Variants in CAMSAP1 observed in about 807,000 individuals in gnomAD.
CAMSAP1 encodes the protein calmodulin regulated spectrin associated protein 1.
CAMSAP1 carries 58 observed loss-of-function variants against 143.5 expected under a neutral mutation model. The ratio of observed to expected loss-of-function variants is 0.40; its 90% CI spans 0.33 to 0.50. CAMSAP1 has a LOEUF of 0.50. Ranked by LOEUF, CAMSAP1 falls within the 20% of genes least tolerant of loss-of-function variation. The pLI is 0.45. For synonymous variants in CAMSAP1, 945 were observed against 859.3 expected, an observed-to-expected ratio of 1.10 and a Z score of -1.74; for missense variants, 1,969 against 2,115.7, an observed-to-expected ratio of 0.93 and a Z score of 1.36.
At position 135,811,139 on chromosome 9, in the gene CAMSAP1, T is replaced by A. The variant is rs1200692062; in HGVS notation, c.*170A>T. On this transcript the variant is annotated 3_prime_UTR_variant, in exon 17 of 17. Transcript: ENST00000389532. This position sits in a 1 kb window ranked among gnomAD's most constrained non-coding sequence, Gnocchi z 4.9. ...CGTGAGATGAGCGCTGAGAGAGGGG[T>A]TTTCTTCTGCTGTCTAGAAACCTCT... The A allele has an allele frequency of 2.7e-6, 2 of 750,762 alleles. No individual in the cohort carries two copies. The highest frequency in any genetic ancestry group is 4.2e-6 in the Non-Finnish European group (2 of 472,076). 46.5% of individuals were successfully genotyped at this position (750,762 alleles called of 1,614,324 possible).
intron 7 of CAMSAP1, among the ~76,000 whole-genome samples, chr9:135,840,327 A>G (rs942683924): frequency 6.6e-6 from 1 of 152,136 alleles, no homozygotes; most frequent in African/African-American, 2.4e-5. Flanking sequence ...GCTATGTCTC[A>G]TCCCAGAGTG....
chr9:135,817,330 A>G (rs1231326491), intron 14 of CAMSAP1, among the ~76,000 whole-genome samples: 1 of 152,122 alleles, frequency 6.6e-6, no homozygotes, highest in Non-Finnish European at 1.5e-5. Flanking sequence ...GGAAATACAC[A>G]CTTAAGTATT....
chr9:135,861,267 G>C (rs991652793), intron 5 of CAMSAP1, among the ~76,000 whole-genome samples: 1 of 151,392 alleles, frequency 6.6e-6, no homozygotes, highest in Non-Finnish European at 1.5e-5. Flanking sequence ...TTCACTCAAT[G>C]ACAGAGACCG....
At chr9:135,898,823 A>T (rs114862845) in intron 1 of CAMSAP1, among the ~76,000 whole-genome samples, 2,073 of 152,330 alleles carry the variant, frequency 0.014, 49 homozygotes, top group African/African-American at 0.048. Flanking sequence ...AGTTACACAT[A>T]TGTATCTTAT....
rs1835412304 is a variant in CAMSAP1 at position 135,820,690 on chromosome 9, CTG to C, written c.3822+147_3822+148del. 9.7e-7 allele frequency: 1 copy of C among 1,035,562 alleles called. No individual in the cohort carries two copies. Among genetic ancestry groups the C allele is most frequent in the Non-Finnish European group, 1.4e-6 (1 of 725,658 alleles). The allele number at this position is 1,035,562 out of a possible 1,614,324, so 64.1% of individuals were successfully genotyped here. A position where few individuals can be genotyped will look rare whatever the true frequency, so the allele number is the denominator to read the frequency against. ...AAGTGGAGTCCTCGGGACAGAGACT[CTG>C]TGGCCCACAAAGCTAAACACACACA... On this transcript the variant is annotated intron_variant, in intron 11 of 16. Transcript: ENST00000389532. The surrounding 1 kb of genome is among the most constrained non-coding windows in gnomAD (Gnocchi z 4.4).
chr9:135,879,253 A>C (rs186580965), intron 3 of CAMSAP1, among the ~76,000 whole-genome samples: 38 of 152,296 alleles, frequency 2.5e-4, no homozygotes, highest in Admixed American at 4.6e-4. Context: ...ATGGAAGGAA[A>C]ATGATGTCTC....
chr9:135,837,504 C>T (rs1329938003), intron 7 of CAMSAP1, among the ~76,000 whole-genome samples: 4 of 149,978 alleles, frequency 2.7e-5, no homozygotes, highest in African/African-American at 9.9e-5. Context: ...CACTTTCTAC[C>T]GGTTCTACAG....
At chr9:135,817,515 C>T (rs1835272800) in intron 14 of CAMSAP1, among the ~76,000 whole-genome samples, 1 of 152,068 alleles carries the variant, frequency 6.6e-6, no homozygotes, top group Non-Finnish European at 1.5e-5. Context: ...CCTCAGCCTC[C>T]CAAGTAGCTG....
At chr9:135,812,354 G>A (rs150968065) in intron 16 of CAMSAP1, among the ~76,000 whole-genome samples, 135 of 152,206 alleles carry the variant, frequency 8.9e-4, no homozygotes, top group Middle Eastern at 3.4e-3. Context: ...ATGGAGGTCC[G>A]GTACACACTA....
intron 1 of CAMSAP1, among the ~76,000 whole-genome samples, chr9:135,896,048 ATTG>A (rs1195124463): frequency 3.9e-5 from 6 of 152,250 alleles, no homozygotes; most frequent in Non-Finnish European, 5.9e-5. Flanking sequence ...ATAAATAGTA[ATTG>A]TTAACAATAT....
Position 135,862,729 on chromosome 9 carries a change from T to C in CAMSAP1, c.667-121A>G, listed in dbSNP as rs76193084. On this transcript the variant is annotated intron_variant, in intron 4 of 16. Coordinates refer to ENST00000389532, the MANE Select transcript of CAMSAP1 (RefSeq NM_015447.4). ...GCCTAACAGACAACATGGAGAACAA[T>C]TGCAATAATCTAGAAAGAGTTAGAA... 5.0e-3 allele frequency: 5,193 copies of C among 1,040,806 alleles called. 29 individuals carry two copies. The highest frequency in any genetic ancestry group is 6.3e-3 in the Non-Finnish European group (4,485 of 712,198). 64.5% of individuals were successfully genotyped at this position (1,040,806 alleles called of 1,614,324 possible).
At chr9:135,843,965 T>C (rs1393894797) in intron 7 of CAMSAP1, among the ~76,000 whole-genome samples, 1 of 151,760 alleles carries the variant, frequency 6.6e-6, no homozygotes, top group Non-Finnish European at 1.5e-5. Context: ...AGCAAGTTCT[T>C]AGAGACCTAG....
At position 135,836,994 on chromosome 9, in the gene CAMSAP1, G is replaced by A. The variant is rs992014417; in HGVS notation, c.1046-9410C>T. 12 of 949,520 alleles carry A rather than the reference G, an allele frequency of 1.3e-5. No individual in the cohort carries two copies. In the Admixed American group the frequency reaches 3.8e-4, roughly 30 times the overall value. 58.8% of individuals were successfully genotyped at this position (949,520 alleles called of 1,614,324 possible). ...CCATTCTACAGACACACATCATCAC[G>A]CACTTTCTACCTGTTCTAGAGACAC... is the stretch of plus-strand genomic sequence containing the variant. On this transcript the variant is annotated intron_variant, in intron 7 of 16. Transcript: ENST00000389532.
chr9:135,843,873 C>CAAAAAAAAAA (rs150201026), intron 7 of CAMSAP1, among the ~76,000 whole-genome samples: 1 of 63,958 alleles, frequency 1.6e-5, no homozygotes, highest in Admixed American at 1.9e-4. Context: ...GACTCCGTCT[C>CAAAAAAAAAA]AAAAAAAAAA....
chr9:135,851,725 T>C (rs951207198), intron 5 of CAMSAP1, among the ~76,000 whole-genome samples: 1 of 152,214 alleles, frequency 6.6e-6, no homozygotes, highest in African/African-American at 2.4e-5. Context: ...AAACTCAGTA[T>C]GATGTTTTCA....
chr9:135,857,514 C>T (rs1381587217), intron 5 of CAMSAP1, among the ~76,000 whole-genome samples: 1 of 152,202 alleles, frequency 6.6e-6, no homozygotes, highest in Non-Finnish European at 1.5e-5. Context: ...GTGCCACTAT[C>T]TTGCAGACAT....
At chr9:135,879,738 T>A (rs1404214632) in intron 3 of CAMSAP1, among the ~76,000 whole-genome samples, 1 of 151,720 alleles carries the variant, frequency 6.6e-6, no homozygotes, top group African/African-American at 2.4e-5. Context: ...GAACGTGGCC[T>A]GAGGGAAATC....
chr9:135,811,474 G>C lies in CAMSAP1; in HGVS notation c.4644C>G (p.Thr1548=). Residue 1548 remains threonine (T), a synonymous_variant, in exon 17 of 17, where the codon ACC becomes ACG. Coordinates refer to ENST00000389532, the MANE Select transcript of CAMSAP1 (RefSeq NM_015447.4). This position sits in a 1 kb window ranked among gnomAD's most constrained non-coding sequence, Gnocchi z 4.9. ...TATACAGTTTGTCGATCATTTTCTTGGTGATGTTCTTTGGCCCCGTGCCAG... is the reference window on the plus strand; with the variant it reads ...TATACAGTTTGTCGATCATTTTCTTCGTGATGTTCTTTGGCCCCGTGCCAG... ...KLTGTGPKNI[T]KKMIDKLYKY... 6.2e-7 allele frequency: 1 copy of C among 1,611,820 alleles called. No homozygotes were observed. The highest frequency in any genetic ancestry group is 8.5e-7 in the Non-Finnish European group (1 of 1,178,854).
chr9:135,857,715 G>A (rs576590644), intron 5 of CAMSAP1, among the ~76,000 whole-genome samples: 78 of 152,256 alleles, frequency 5.1e-4, no homozygotes, highest in East Asian at 7.7e-4. Flanking sequence ...TCCTGAGGCC[G>A]ATTTCTGCAG....
Sources: gnomAD v4.1 joint callset for allele counts (sites outside exome capture counted in the v4.1 genomes callset) on GRCh38, gnomAD v4.1.1 for gene constraint, Gnocchi (gnomAD v3.1) non-coding constraint, MANE v1.5 for transcripts, NCBI Gene and HGNC (gene_info 2026-07-23, HGNC 2026-07-21) for gene names.